GBP3: variants seen among roughly 807,000 people sequenced by gnomAD.
GBP3 encodes guanylate-binding protein 3.
Under a neutral mutation model 62.4 loss-of-function variants are expected in GBP3, and 55 were observed. That is an observed-to-expected ratio of 0.88 (90% confidence interval 0.71 to 1.10). The LOEUF (loss-of-function observed/expected upper bound fraction) is 1.10. Ranked by LOEUF, GBP3 falls within the 50% of genes least tolerant of loss-of-function variation. GBP3 has a pLI of 0.00. For synonymous variants in GBP3, 208 were observed against 259.2 expected, an observed-to-expected ratio of 0.80 and a Z score of 1.90; for missense variants, 605 against 690.6, an observed-to-expected ratio of 0.88 and a Z score of 1.39.
Position 89,007,036 on chromosome 1 carries a change from T to G in GBP3, c.*688A>C, listed in dbSNP as rs569419509. ...CTAAAATTACACAGTGCATAATTGT[T>G]ACCATGTGACTATTTAATTCAGGGT... On this transcript the variant is annotated 3_prime_UTR_variant, in exon 11 of 11. Transcript: ENST00000370481. 8 of 152,366 alleles carry G rather than the reference T, an allele frequency of 5.3e-5. No individual in the cohort carries two copies. In the East Asian group the frequency reaches 1.5e-3, roughly 29 times the overall value. 9.4% of individuals were successfully genotyped at this position (152,366 alleles called of 1,614,324 possible).
chr1:89,021,506 G>A (rs143638329), intron 1 of GBP3, among the ~76,000 whole-genome samples: 2,707 of 58,882 alleles, frequency 0.046, 41 homozygotes, highest in Non-Finnish European at 0.073. Context: ...GCATGCGCGC[G>A]CGCGCACACA....
rs950055849 is a variant in GBP3, at chr1:89,007,348, T to C, written c.*376A>G. 2 of 187,608 alleles carry C rather than the reference T, an allele frequency of 1.1e-5. No homozygotes were observed. Among genetic ancestry groups the C allele is most frequent in the African/African-American group, 4.8e-5 (2 of 42,032 alleles). 11.6% of individuals were successfully genotyped at this position (187,608 alleles called of 1,614,324 possible). On this transcript the variant is annotated 3_prime_UTR_variant, in exon 11 of 11. Transcript: ENST00000370481. ...TATAATGGAGAACTGTACACTGTCT[T>C]CCCTAGGAAGCTAGGATGGTTGTTT...
At chr1:89,015,258 T>C (rs1190024866) in intron 3 of GBP3, 29 bp downstream of exon 3, 4 of 1,564,102 alleles carry the variant, frequency 2.6e-6, no homozygotes, top group Admixed American at 2.0e-5. Flanking sequence ...ATGAGGGGCT[T>C]ATTTCAAAAT....
intron 10 of GBP3, 61 bp downstream of exon 10, chr1:89,008,886 G>A: frequency 6.2e-7 from 1 of 1,610,862 alleles, no homozygotes. Context: ...TACTAAGTTT[G>A]TGATCAGGAA....
At chr1:89,012,367 A>G (rs77678542) in intron 6 of GBP3, among the ~76,000 whole-genome samples, 2,838 of 139,132 alleles carry the variant, frequency 0.02, 617 homozygotes, top group Middle Eastern at 0.08. Flanking sequence ...ATATGACTGT[A>G]TCCTCAGCTT....
chr1:89,007,908 G>C, intron 10 of GBP3, 56 bp from the exon 11 acceptor site: 1 of 1,510,258 alleles, frequency 6.6e-7, no homozygotes, highest in Non-Finnish European at 9.0e-7. Flanking sequence ...ATCTCTGTAA[G>C]CTATCTAGTT....
chr1:89,008,825 TAC>T (rs1441308270), intron 10 of GBP3, 120 bp downstream of exon 10: 2 of 1,516,788 alleles, frequency 1.3e-6, no homozygotes, highest in Non-Finnish European at 1.8e-6. Flanking sequence ...AACAAGAAAG[TAC>T]AAGTGAGCAA....
Position 89,013,440 on chromosome 1 carries a change from A to C in GBP3, c.626-13T>G. ...TTTTGACTGGTACCTAGAGAAACAT[A>C]ATAAAGAAATTTGCCTAATATAAGT... On this transcript the variant is annotated splice_polypyrimidine_tract_variant and intron_variant, in intron 5 of 10. Coordinates refer to ENST00000370481, the MANE Select transcript of GBP3 (RefSeq NM_018284.3). 1 of 1,596,220 alleles carries C rather than the reference A, an allele frequency of 6.3e-7. No individual in the cohort carries two copies. Among genetic ancestry groups the C allele is most frequent in the Non-Finnish European group, 8.5e-7 (1 of 1,173,574 alleles).
intron 2 of GBP3, 197 bp downstream of exon 2, chr1:89,020,335 A>G: frequency 1.6e-6 from 1 of 645,038 alleles, no homozygotes; most frequent in South Asian, 1.8e-5. Context: ...TGAACAGTCA[A>G]TTGAGATAAC....
intron 1 of GBP3, among the ~76,000 whole-genome samples, chr1:89,022,164 T>C (rs1679276445): frequency 6.6e-6 from 1 of 152,168 alleles, no homozygotes; most frequent in African/African-American, 2.4e-5. Context: ...ACTGTTTTCA[T>C]GAATGTTCCT....
At chr1:89,009,869 G>T (rs906028488) in intron 8 of GBP3, among the ~76,000 whole-genome samples, 5 of 152,160 alleles carry the variant, frequency 3.3e-5, no homozygotes, top group African/African-American at 1.2e-4. Flanking sequence ...GAACTGTGGG[G>T]ATGCAGGGAG....
intron 10 of GBP3, 96 bp from the exon 11 acceptor site, chr1:89,007,948 G>GT: frequency 1.8e-6 from 2 of 1,135,382 alleles, no homozygotes; most frequent in South Asian, 3.7e-5. Context: ...TTAGTACTTA[G>GT]TTTTTTTCTT....
Position 89,008,973 on chromosome 1 carries a change from C to G in GBP3, c.1633G>C (p.Glu545Gln), listed in dbSNP as rs202154907. 3 of 1,614,054 alleles carry G rather than the reference C, an allele frequency of 1.9e-6. No homozygotes were observed. In the African/African-American group the frequency reaches 4.0e-5, roughly 22 times the overall value. The change falls in exon 10 of 11, where the codon GAG becomes CAG. Residue 545 changes from glutamate to glutamine, a missense_variant. Coordinates refer to ENST00000370481, the MANE Select transcript of GBP3 (RefSeq NM_018284.3). ...TGAAGTTTACTAGTGAGGGTCTTCT[C>G]TTGCTCTTCCAGCAACTGGGCCCTC... is the stretch of plus-strand genomic sequence containing the variant. ...RERAQLLEEQEKTLTSKLQEQ... is the reference protein window; with the variant it reads ...RERAQLLEEQQKTLTSKLQEQ...
chr1:89,021,544 A>ACACACACCCCCC (rs761151308), intron 1 of GBP3, among the ~76,000 whole-genome samples: 272 of 141,006 alleles, frequency 1.9e-3, no homozygotes, highest in Non-Finnish European at 3.4e-3. Flanking sequence ...ACACACACAC[A>ACACACACCCCCC]CCCCAAAAAA....
rs1302736994 is a variant in GBP3, at chr1:89,013,350, CA to C, written c.702del (p.Phe234LeufsTer31). On this transcript the variant is annotated frameshift_variant, in exon 6 of 11. Transcript: ENST00000370481. LOFTEE classifies it high-confidence loss of function. Reference protein sequence around the residue: ...IRKFFPKKKCFVFDLPIHRRK... With the variant: ...IRKFFPKKKCXVFDLPIHRRK... ...CTGCGGTGAATGGGCAGATCGAAGA[CA>C]AAACATTTTTTCTTTGGGAAGAACT... 18 of 1,614,012 alleles carry C rather than the reference CA, an allele frequency of 1.1e-5. No homozygotes were observed. Among genetic ancestry groups the C allele is most frequent in the Non-Finnish European group, 1.4e-5 (17 of 1,180,022 alleles).
Position 89,011,965 on chromosome 1 carries a change from C to T in GBP3, c.931G>A (p.Glu311Lys), listed in dbSNP as rs1188548253. 7 of 1,462,354 alleles carry T rather than the reference C, an allele frequency of 4.8e-6. 1 individual carries two copies. In the South Asian group the frequency reaches 5.9e-5, roughly 12 times the overall value. 90.6% of individuals were successfully genotyped at this position (1,462,354 alleles called of 1,614,324 possible). ...AISRGDLPCM[E>K]NAVLALAQIE... is the part of the protein sequence containing the mutation. ...TGGGCCAAGGCCAGGACTGCGTTCT[C>T]CATGCAGGGCAGATCCCCTCTGCTG... The change falls in exon 7 of 11, where the codon GAG becomes AAG. Residue 311 changes from glutamate (E) to lysine (K), a missense_variant. Around this residue, in one of 3 missense-constraint regions of GBP3, gnomAD observed 137 missense variants for 224.7 expected, o/e 0.61. Transcript: ENST00000370481.
intron 2 of GBP3, 116 bp downstream of exon 2, chr1:89,020,416 G>T: frequency 8.2e-7 from 1 of 1,225,906 alleles, no homozygotes; most frequent in Non-Finnish European, 1.2e-6. Context: ...GCCCAACTGT[G>T]AATGGAAAGT....
intron 2 of GBP3, among the ~76,000 whole-genome samples, chr1:89,018,736 G>A (rs930711544): frequency 4.6e-5 from 7 of 152,006 alleles, no homozygotes; most frequent in Admixed American, 6.5e-5. Context: ...ATAATCAAAC[G>A]ACCCTAAATC....
Position 89,007,730 on chromosome 1 carries a change from C to T in GBP3, c.1782G>A (p.Lys594=). Residue 594 remains lysine (K), a synonymous_variant, in exon 11 of 11, where the codon AAG becomes AAA. Coordinates refer to ENST00000370481, the MANE Select transcript of GBP3 (RefSeq NM_018284.3). ...KTKRYMSHKL[K]I is the part of the protein sequence containing the mutation. ...GACAGAAAAGCTCTGTTGTTTAGAT[C>T]TTTAGCTTATGCGACATATATCTCT... is the stretch of plus-strand genomic sequence containing the variant. 6.2e-7 allele frequency: 1 copy of T among 1,610,188 alleles called. No homozygotes were observed. Among genetic ancestry groups the T allele is most frequent in the South Asian group, 1.1e-5 (1 of 90,090 alleles).
Sources: allele counts gnomAD v4.1 joint callset (sites outside exome capture counted in the v4.1 genomes callset), GRCh38; gene constraint gnomAD v4.1.1; regional missense constraint gnomAD v4.1.1; transcripts MANE v1.5; gene names NCBI Gene and HGNC (gene_info 2026-07-23, HGNC 2026-07-21).